L3MBTL4: variants seen among roughly 807,000 people sequenced by gnomAD.
The protein encoded by L3MBTL4 is lethal(3)malignant brain tumor-like protein 4.
A neutral mutation model predicts 84.5 loss-of-function variants in L3MBTL4; 70 were observed. That is an observed-to-expected ratio of 0.83 (90% CI 0.68 to 1.01). The LOEUF is 1.01. L3MBTL4 is among the 50% of genes least tolerant of loss of function. L3MBTL4 has a pLI of 0.00. For synonymous variants in L3MBTL4, 274 were observed against 259.8 expected (o/e 1.05, Z -0.52); for missense variants, 715 against 754.8 (o/e 0.95, Z 0.62).
At chr18:6,263,695 C>T (rs1013339363) in intron 5 of L3MBTL4, among the ~76,000 whole-genome samples, 4 of 152,168 alleles carry the variant, frequency 2.6e-5, no homozygotes, top group Admixed American at 2.6e-4. Flanking sequence ...AGGTAGGGAA[C>T]CTTTCCTACC....
chr18:6,070,636 G>C (rs1488016675), intron 16 of L3MBTL4, among the ~76,000 whole-genome samples: 4 of 151,356 alleles, frequency 2.6e-5, no homozygotes, highest in South Asian at 2.1e-4. Flanking sequence ...GAGCAACATA[G>C]TGAGATCCCA....
intron 12 of L3MBTL4, among the ~76,000 whole-genome samples, chr18:6,196,175 T>TTTTTTTA (rs2045372495): frequency 6.7e-6 from 1 of 149,756 alleles, no homozygotes; most frequent in African/African-American, 2.5e-5. Flanking sequence ...TTTTTTTTTT[T>TTTTTTTA]GAGACTGAGT....
chr18:6,186,594 C>T (rs370439259), intron 12 of L3MBTL4, among the ~76,000 whole-genome samples: 1 of 152,166 alleles, frequency 6.6e-6, no homozygotes, highest in East Asian at 1.9e-4. Context: ...GGAGGAGAAC[C>T]GCAAGGCAAC....
intron 16 of L3MBTL4, among the ~76,000 whole-genome samples, chr18:5,990,488 C>T (rs1450304197): frequency 6.6e-6 from 1 of 152,098 alleles, no homozygotes; most frequent in Non-Finnish European, 1.5e-5. Context: ...TAAAAGTGGA[C>T]AATTTCACCT....
intron 16 of L3MBTL4, chr18:6,031,424 T>C: frequency 1.0e-6 from 1 of 985,446 alleles, no homozygotes; most frequent in Non-Finnish European, 1.2e-6. Context: ...TTCTGAACAT[T>C]TATAAGTTGC....
chr18:6,091,562 T>C (rs1441966150), intron 15 of L3MBTL4, among the ~76,000 whole-genome samples: 4 of 152,226 alleles, frequency 2.6e-5, no homozygotes, highest in African/African-American at 9.6e-5. Context: ...TCTGTAGTAA[T>C]TATTCCTATT....
In L3MBTL4 at chr18:6,171,928, A is replaced by G. The variant is rs1345160393; in HGVS notation, c.996T>C (p.Gly332=). The G allele has an allele frequency of 1.3e-6, 2 of 1,547,472 alleles. No individual in the cohort carries two copies. The highest frequency in any genetic ancestry group is 1.8e-6 in the Non-Finnish European group (2 of 1,142,508). Residue 332 remains glycine (G), a synonymous_variant, in exon 13 of 19, where the codon GGT becomes GGC. Coordinates refer to ENST00000317931, the MANE Select transcript of L3MBTL4 (RefSeq NM_001330559.2). ...CCCAGTAGTCATACTTATGGTCCCA[A>G]CCATCAAAATGAACCTGTTAAAACG... ...DDQRVKVHFD[G]WDHKYDYWVE... is the part of the protein sequence containing the mutation.
At chr18:6,226,445 A>G (rs1365944073) in intron 10 of L3MBTL4, among the ~76,000 whole-genome samples, 2 of 152,142 alleles carry the variant, frequency 1.3e-5, no homozygotes, top group African/African-American at 4.8e-5. Flanking sequence ...CAAACAAAAG[A>G]TAATGTCATA....
At chr18:6,014,960 T>C (rs941083406) in intron 16 of L3MBTL4, among the ~76,000 whole-genome samples, 1 of 141,086 alleles carries the variant, frequency 7.1e-6, no homozygotes, top group African/African-American at 2.9e-5. Flanking sequence ...GCAGTCACAG[T>C]AGGAGTGGAC....
At chr18:6,130,736 T>C (rs779606128) in intron 14 of L3MBTL4, among the ~76,000 whole-genome samples, 34 of 152,174 alleles carry the variant, frequency 2.2e-4, no homozygotes, top group Non-Finnish European at 4.6e-4. Context: ...CAAAAGTAAA[T>C]TTACATCTTG....
chr18:6,241,501 T>G (rs1328811559), intron 7 of L3MBTL4, 52 bp from the exon 8 acceptor site: 1 of 959,256 alleles, frequency 1.0e-6, no homozygotes, highest in Admixed American at 2.3e-5. Context: ...ATCACATGCA[T>G]ATTAAATATA....
chr18:6,346,139 T>C (rs1364040416), intron 1 of L3MBTL4, among the ~76,000 whole-genome samples: 2 of 147,316 alleles, frequency 1.4e-5, no homozygotes, highest in African/African-American at 4.9e-5. Context: ...TATATGGATG[T>C]ATATATGCAA....
intron 1 of L3MBTL4, among the ~76,000 whole-genome samples, chr18:6,337,051 AT>A (rs1464986238): frequency 6.6e-6 from 1 of 152,348 alleles, no homozygotes; most frequent in East Asian, 1.9e-4. Flanking sequence ...ACAGATTGAC[AT>A]TGCAGTAATC....
At chr18:6,054,321 A>G (rs1044254247) in intron 16 of L3MBTL4, among the ~76,000 whole-genome samples, 7 of 152,034 alleles carry the variant, frequency 4.6e-5, no homozygotes, top group Non-Finnish European at 7.4e-5. Context: ...AGTCCAGTAC[A>G]GGCTCTGTAG....
intron 13 of L3MBTL4, among the ~76,000 whole-genome samples, chr18:6,144,667 T>C (rs998596053): frequency 1.3e-5 from 2 of 152,150 alleles, no homozygotes; most frequent in Admixed American, 6.5e-5. Flanking sequence ...CACACCCTCA[T>C]TCCCAGCCTC....
rs2095219214 is a variant in L3MBTL4, at chr18:5,955,017, TG to T, written c.*1202del. ...ACCTTAACATTCTTAATGAAGCAAG[TG>T]GACATAGAACCTCTCCCTCTTTCTC... On this transcript the variant is annotated 3_prime_UTR_variant, in exon 19 of 19. Coordinates refer to ENST00000317931, the MANE Select transcript of L3MBTL4 (RefSeq NM_001330559.2). 6.6e-6 allele frequency: 1 copy of T among 152,194 alleles called. No individual in the cohort carries two copies. The highest frequency in any genetic ancestry group is 6.5e-5 in the Admixed American group (1 of 15,274). 9.4% of individuals were successfully genotyped at this position (152,194 alleles called of 1,614,324 possible).
intron 1 of L3MBTL4, among the ~76,000 whole-genome samples, chr18:6,334,862 T>C (rs2052249113): frequency 6.6e-6 from 1 of 152,234 alleles, no homozygotes; most frequent in Non-Finnish European, 1.5e-5. Context: ...ATCTTTGCTC[T>C]GTCAAATCTG....
At position 6,079,441 on chromosome 18, in the gene L3MBTL4, T is replaced by C. The variant is rs149865308; in HGVS notation, c.1444+1440A>G. 1.1e-4 allele frequency among the ~76,000 whole-genome samples: 16 copies of C among 152,282 alleles called. No individual in the cohort carries two copies. The East Asian group carries it at 3.1e-3, about 29-fold the overall frequency. ...TAAATTAAAGAGCACAGTAAATGCATGAATAAATAAAAGCATATGGGTGTA... is the reference window on the plus strand; with the variant it reads ...TAAATTAAAGAGCACAGTAAATGCACGAATAAATAAAAGCATATGGGTGTA... On this transcript the variant is annotated intron_variant, in intron 16 of 18. Transcript: ENST00000317931.
chr18:6,191,637 A>G (rs1182627121), intron 12 of L3MBTL4, among the ~76,000 whole-genome samples: 1 of 152,198 alleles, frequency 6.6e-6, no homozygotes, highest in Non-Finnish European at 1.5e-5. Flanking sequence ...CACAAAGAGA[A>G]TAAATACAGT....
Sources: allele counts gnomAD v4.1 joint callset (sites outside exome capture counted in the v4.1 genomes callset), GRCh38; gene constraint gnomAD v4.1.1; transcripts MANE v1.5; gene names NCBI Gene and HGNC (gene_info 2026-07-23, HGNC 2026-07-21).